SNTB1: variants seen among roughly 807,000 people sequenced by gnomAD.
The protein encoded by SNTB1 is syntrophin beta 1.
Under a neutral mutation model 48.9 loss-of-function variants are expected in SNTB1, and 36 were observed. That is an observed-to-expected ratio of 0.74 (90% CI 0.56 to 0.97). The LOEUF is 0.97. Among genes scored for constraint, SNTB1 ranks in the 50% least tolerant of loss-of-function variants. The pLI, the probability that SNTB1 is intolerant of heterozygous loss-of-function variation, is 0.00. For synonymous variants in SNTB1, 299 were observed against 294.6 expected, an observed-to-expected ratio of 1.01 and a Z score of -0.15; for missense variants, 786 against 703.4, an observed-to-expected ratio of 1.12 and a Z score of -1.33.
chr8:120,665,781 G>T (rs1817664496), intron 2 of SNTB1, among the ~76,000 whole-genome samples: 1 of 151,982 alleles, frequency 6.6e-6, no homozygotes, highest in Non-Finnish European at 1.5e-5. Context: ...TTTGCATTTG[G>T]ATATTCAATT....
At chr8:120,688,844 A>C (rs2129846068) in intron 2 of SNTB1, among the ~76,000 whole-genome samples, 1 of 152,202 alleles carries the variant, frequency 6.6e-6, no homozygotes, top group East Asian at 1.9e-4. Context: ...CCATTTTGAC[A>C]GAAGGAGTAA....
intron 1 of SNTB1, among the ~76,000 whole-genome samples, chr8:120,768,276 C>T (rs750226607): frequency 6.6e-6 from 1 of 152,184 alleles, no homozygotes; most frequent in Non-Finnish European, 1.5e-5. Flanking sequence ...AACACCAGCA[C>T]TAGAACTTCA....
chr8:120,691,642 T>G (rs1818128788), intron 2 of SNTB1, among the ~76,000 whole-genome samples: 1 of 152,186 alleles, frequency 6.6e-6, no homozygotes, highest in African/African-American at 2.4e-5. Context: ...CATCACCAGT[T>G]CTTCCCACTT....
chr8:120,616,216 G>T (rs571994410), intron 3 of SNTB1, among the ~76,000 whole-genome samples: 23 of 152,062 alleles, frequency 1.5e-4, no homozygotes, highest in African/African-American at 5.1e-4. Context: ...TTTAAGGGTG[G>T]ACCAATGAGG....
chr8:120,651,650 A>G (rs1052076301), intron 2 of SNTB1, among the ~76,000 whole-genome samples: 2 of 152,196 alleles, frequency 1.3e-5, no homozygotes, highest in African/African-American at 4.8e-5. Flanking sequence ...TTAAAAAGGT[A>G]GTTTCAACTT....
intron 1 of SNTB1, among the ~76,000 whole-genome samples, chr8:120,765,568 TCC>T (rs1819507106): frequency 6.6e-6 from 1 of 151,996 alleles, no homozygotes; most frequent in Admixed American, 6.6e-5. Context: ...TGCTGCATCA[TCC>T]TATGGTGGGA....
chr8:120,584,358 G>A (rs1451460358), intron 3 of SNTB1, among the ~76,000 whole-genome samples: 10 of 134,528 alleles, frequency 7.4e-5, no homozygotes, highest in Non-Finnish European at 1.1e-4. Context: ...AGAGTTGCTC[G>A]AACCCAGGAG....
intron 3 of SNTB1, among the ~76,000 whole-genome samples, chr8:120,579,988 G>C (rs1430726041): frequency 6.6e-6 from 1 of 152,132 alleles, no homozygotes; most frequent in Non-Finnish European, 1.5e-5. Flanking sequence ...ACTTGCCTTT[G>C]CTGGGTCAAA....
rs148367553 is a variant in SNTB1, at chr8:120,565,474, C to G, written c.1136+9612G>C. ...AGGCTGGGATTCGGAGCCAGGTTGT[C>G]AGTTTCCAGAACCCACGCTCTGGAG... On this transcript the variant is annotated intron_variant, in intron 4 of 6. Transcript: ENST00000517992. 4.8e-3 allele frequency among the ~76,000 whole-genome samples: 733 copies of G among 152,322 alleles called. 3 individuals carry two copies. Among genetic ancestry groups the G allele is most frequent in the Non-Finnish European group, 8.2e-3 (559 of 68,024 alleles).
At chr8:120,635,845 C>A in intron 2 of SNTB1, 1 of 334,350 alleles carries the variant, frequency 3.0e-6, no homozygotes, top group South Asian at 3.5e-5. Flanking sequence ...TTTTCATCTT[C>A]ATTTTGAAAA....
intron 1 of SNTB1, among the ~76,000 whole-genome samples, chr8:120,708,858 T>C (rs765430770): frequency 4.6e-5 from 7 of 152,112 alleles, no homozygotes; most frequent in Non-Finnish European, 7.4e-5. Flanking sequence ...TAAAACCAAA[T>C]TGACATCAAG....
chr8:120,759,278 A>C (rs1191222683), intron 1 of SNTB1, among the ~76,000 whole-genome samples: 1 of 152,188 alleles, frequency 6.6e-6, no homozygotes, highest in Non-Finnish European at 1.5e-5. Flanking sequence ...ATACCTTCAG[A>C]GGGCAAAGCA....
At chr8:120,673,776 TCTC>T (rs1817792622) in intron 2 of SNTB1, among the ~76,000 whole-genome samples, 1 of 151,822 alleles carries the variant, frequency 6.6e-6, no homozygotes, top group East Asian at 1.9e-4. Flanking sequence ...CATGCCAACC[TCTC>T]CTCCCCAACA....
intron 1 of SNTB1, chr8:120,769,012 C>A (rs1819574617): frequency 6.6e-6 from 1 of 152,270 alleles, no homozygotes; most frequent in Non-Finnish European, 1.5e-5. Context: ...GACTCCCAGC[C>A]TCTCTCTTGG....
chr8:120,763,265 G>A (rs1819454821), intron 1 of SNTB1, among the ~76,000 whole-genome samples: 2 of 152,118 alleles, frequency 1.3e-5, no homozygotes, highest in Admixed American at 1.3e-4. Flanking sequence ...AGTAGATAGA[G>A]GACTGCAGAA....
intron 1 of SNTB1, among the ~76,000 whole-genome samples, chr8:120,696,197 G>A (rs1244376495): frequency 6.6e-6 from 1 of 152,188 alleles, no homozygotes; most frequent in Non-Finnish European, 1.5e-5. Context: ...ATTTTCATTT[G>A]ATTGCATTAT....
chr8:120,562,654 G>T (rs1563817906), intron 4 of SNTB1, among the ~76,000 whole-genome samples: 1 of 152,160 alleles, frequency 6.6e-6, no homozygotes, highest in East Asian at 1.9e-4. Context: ...GGTTAGCATG[G>T]AAACCACAGG....
At chr8:120,642,321 A>T (rs1337583848) in intron 2 of SNTB1, among the ~76,000 whole-genome samples, 1 of 152,250 alleles carries the variant, frequency 6.6e-6, no homozygotes, top group Admixed American at 6.5e-5. Context: ...AGTATTCTTC[A>T]GATATCCTTT....
At chr8:120,628,906 C>G (rs1331536018) in intron 3 of SNTB1, among the ~76,000 whole-genome samples, 1 of 151,946 alleles carries the variant, frequency 6.6e-6, no homozygotes, top group Admixed American at 6.6e-5. Flanking sequence ...CACTTGTAGT[C>G]CCAGTTACTT....
Sources: allele counts gnomAD v4.1 joint callset (sites outside exome capture counted in the v4.1 genomes callset), GRCh38; gene constraint gnomAD v4.1.1; transcripts MANE v1.5; gene names NCBI Gene and HGNC (gene_info 2026-07-23, HGNC 2026-07-21).